Variants in CSMD1 observed in about 807,000 individuals in gnomAD.
CSMD1 encodes CUB and sushi domain-containing protein 1.
Under a neutral mutation model 417.5 loss-of-function variants are expected in CSMD1, and 213 were observed. The ratio of observed to expected loss-of-function variants is 0.51; its 90% confidence interval spans 0.46 to 0.57. The LOEUF is 0.57. CSMD1 is among the 20% of genes least tolerant of loss of function. CSMD1 has a pLI of 0.00. For synonymous variants in CSMD1, 2,862 were observed against 1,736.8 expected (o/e 1.65, Z -16.11); for missense variants, 6,923 against 4,529.7 (o/e 1.53, Z -15.17).
rs1323382238 is a variant in CSMD1 at position 3,918,342 on chromosome 8, C to T, written c.818+79561G>A. On this transcript the variant is annotated intron_variant, in intron 5 of 69. Coordinates refer to ENST00000635120, the MANE Select transcript of CSMD1 (RefSeq NM_033225.6). The stretch of plus-strand genomic sequence containing the variant: ...CCACCAGTGTACAGAGTTCCTTACT[C>T]CCCACGTCCGCATCAACACATATAT... Among the ~76,000 whole-genome samples, 5 of 152,158 alleles carry T rather than the reference C, an allele frequency of 3.3e-5. No homozygotes were observed. The East Asian group carries it at 7.7e-4, about 24-fold the overall frequency.
intron 50 of CSMD1, among the ~76,000 whole-genome samples, chr8:3,050,118 A>C (rs989854841): frequency 4.0e-5 from 6 of 151,836 alleles, no homozygotes; most frequent in African/African-American, 7.3e-5. Context: ...AAAAAAAAAA[A>C]AAACTGATGA....
intron 8 of CSMD1, among the ~76,000 whole-genome samples, chr8:3,590,811 G>T (rs1222977713): frequency 6.6e-6 from 1 of 152,096 alleles, no homozygotes; most frequent in South Asian, 2.1e-4. Context: ...AACTAAATAA[G>T]ACCCCAATTC....
chr8:3,063,884 A>G (rs1254230426), intron 49 of CSMD1, among the ~76,000 whole-genome samples: 3 of 149,006 alleles, frequency 2.0e-5, no homozygotes, highest in Admixed American at 2.0e-4. Context: ...AGAATAGTCC[A>G]CCAGAGATGG....
intron 7 of CSMD1, among the ~76,000 whole-genome samples, chr8:3,646,627 C>T (rs1305939727): frequency 6.6e-6 from 1 of 152,186 alleles, no homozygotes; most frequent in African/African-American, 2.4e-5. Context: ...AAATGAGTAA[C>T]TTTCTTGGTT....
chr8:3,971,325 G>A (rs189986610), intron 5 of CSMD1, among the ~76,000 whole-genome samples: 4 of 152,146 alleles, frequency 2.6e-5, no homozygotes, highest in African/African-American at 9.7e-5. Flanking sequence ...AGTGGCTGCA[G>A]CTGCCGGTTC....
chr8:4,558,728 G>C (rs1027287828), intron 2 of CSMD1, among the ~76,000 whole-genome samples: 2 of 152,078 alleles, frequency 1.3e-5, no homozygotes, highest in African/African-American at 4.8e-5. Flanking sequence ...AATTAGCCCA[G>C]CATGGTGGTG....
In CSMD1 at chr8:3,367,087, A is replaced by C. The variant is rs369184536; in HGVS notation, c.3060T>G (p.Leu1020=). 2.5e-4 allele frequency: 410 copies of C among 1,613,766 alleles called. No homozygotes were observed. The highest frequency in any genetic ancestry group is 3.2e-4 in the Non-Finnish European group (383 of 1,179,870). ...AGLFGNFTAQ[L]RFISDFSISY... ...AAATTGAGAAGTCTGATATAAACCG[A>C]AGCTGGGCAGTGAAGTTTCCAAACA... is the stretch of plus-strand genomic sequence containing the variant. The change falls in exon 20 of 70, where the codon CTT becomes CTG. Residue 1020 remains leucine, a synonymous_variant. Coordinates refer to ENST00000635120, the MANE Select transcript of CSMD1 (RefSeq NM_033225.6).
At chr8:4,410,663 C>T (rs538733886) in intron 3 of CSMD1, among the ~76,000 whole-genome samples, 6 of 152,136 alleles carry the variant, frequency 3.9e-5, no homozygotes, top group East Asian at 3.9e-4. Context: ...AAATTTGCCC[C>T]TGACACAAGA....
intron 31 of CSMD1, among the ~76,000 whole-genome samples, chr8:3,202,517 G>T (rs1457913238): frequency 6.6e-6 from 1 of 152,178 alleles, no homozygotes; most frequent in Admixed American, 6.5e-5. Flanking sequence ...TGTGTATTCA[G>T]ATTGACGATA....
intron 6 of CSMD1, among the ~76,000 whole-genome samples, chr8:3,725,943 G>A (rs549417389): frequency 1.3e-4 from 20 of 152,198 alleles, no homozygotes; most frequent in African/African-American, 3.1e-4. Context: ...CTAATGACTC[G>A]CAAGCAATGA....
At chr8:3,573,970 A>T (rs920718886) in intron 10 of CSMD1, among the ~76,000 whole-genome samples, 5 of 152,124 alleles carry the variant, frequency 3.3e-5, no homozygotes, top group African/African-American at 7.2e-5. Flanking sequence ...AAAAGGAGTT[A>T]AAAAAATTCA....
intron 2 of CSMD1, among the ~76,000 whole-genome samples, chr8:4,634,424 AC>A (rs1204388608): frequency 1.1e-4 from 16 of 152,206 alleles, no homozygotes; most frequent in African/African-American, 3.1e-4. Flanking sequence ...ATTTATTGAT[AC>A]TAAAAATGCT....
chr8:4,848,445 A>C (rs7844218), intron 1 of CSMD1, among the ~76,000 whole-genome samples: 1 of 151,972 alleles, frequency 6.6e-6, no homozygotes, highest in Non-Finnish European at 1.5e-5. Flanking sequence ...AACGCAGTGC[A>C]TTACTCATGG....
chr8:3,287,104 T>C (rs1275712451), intron 25 of CSMD1, among the ~76,000 whole-genome samples: 1 of 152,144 alleles, frequency 6.6e-6, no homozygotes, highest in East Asian at 1.9e-4. Flanking sequence ...TGCTTGTTTT[T>C]ATCAGGTTTG....
chr8:4,607,600 G>T (rs557787844), intron 2 of CSMD1, among the ~76,000 whole-genome samples: 32 of 152,228 alleles, frequency 2.1e-4, no homozygotes, highest in African/African-American at 7.7e-4. Context: ...CTCCATGTCC[G>T]CCAACATCAT....
At chr8:4,023,109 G>C (rs965175488) in intron 4 of CSMD1, among the ~76,000 whole-genome samples, 5 of 152,116 alleles carry the variant, frequency 3.3e-5, no homozygotes, top group Admixed American at 6.5e-5. Context: ...TAATGCAGTG[G>C]ATGTACAGGA....
chr8:4,933,223 T>C (rs1215870305), intron 1 of CSMD1, among the ~76,000 whole-genome samples: 11 of 152,142 alleles, frequency 7.2e-5, no homozygotes, highest in Non-Finnish European at 1.6e-4. Flanking sequence ...TGAATCATGT[T>C]TTCCCACTAA....
At chr8:3,782,258 C>T (rs1799223418) in intron 5 of CSMD1, among the ~76,000 whole-genome samples, 1 of 152,276 alleles carries the variant, frequency 6.6e-6, no homozygotes, top group East Asian at 1.9e-4. Context: ...TTTGTGCTTG[C>T]TTTGTTTAAT....
chr8:3,997,902 C>G lies in CSMD1; in HGVS notation c.818+1G>C, dbSNP rs771562559. 1.9e-6 allele frequency: 3 copies of G among 1,610,914 alleles called. No homozygotes were observed. The highest frequency in any genetic ancestry group is 1.1e-5 in the South Asian group (1 of 90,200). ...TTGTGGCATCTCTTCCCGGGACTTA[C>G]CATATGGATGGAGCTTCCGTGCCAC... is the stretch of plus-strand genomic sequence containing the variant. On this transcript the variant is annotated splice_donor_variant, in intron 5 of 69. Coordinates refer to ENST00000635120, the MANE Select transcript of CSMD1 (RefSeq NM_033225.6). LOFTEE classifies it high-confidence loss of function.
Sources: allele counts gnomAD v4.1 joint callset (sites outside exome capture counted in the v4.1 genomes callset), GRCh38; gene constraint gnomAD v4.1.1; transcripts MANE v1.5; gene names NCBI Gene and HGNC (gene_info 2026-07-23, HGNC 2026-07-21).